IL16: variants seen among roughly 807,000 people sequenced by gnomAD.
The protein encoded by IL16 is interleukin 16.
Under a neutral mutation model 110.1 loss-of-function variants are expected in IL16, and 67 were observed. The ratio of observed to expected loss-of-function variants is 0.61; its 90% CI spans 0.50 to 0.75. IL16 has a LOEUF of 0.75. Ranked by LOEUF, IL16 falls within the 30% of genes least tolerant of loss-of-function variation. The pLI is 0.00. For synonymous variants in IL16, 689 were observed against 662.9 expected, an observed-to-expected ratio of 1.04 and a Z score of -0.61; for missense variants, 1,545 against 1,655.0, an observed-to-expected ratio of 0.93 and a Z score of 1.15.
At chr15:81,298,793 A>G (rs1013449532) in intron 13 of IL16, among the ~76,000 whole-genome samples, 2 of 152,250 alleles carry the variant, frequency 1.3e-5, no homozygotes, top group African/African-American at 4.8e-5. Flanking sequence ...AGGTACATAC[A>G]TGGGAAATGC....
At chr15:81,289,737 C>T (rs1446301902) in intron 10 of IL16, among the ~76,000 whole-genome samples, 5 of 152,152 alleles carry the variant, frequency 3.3e-5, no homozygotes, top group Admixed American at 3.3e-4. Flanking sequence ...TATGAGTTGC[C>T]TTTTCAATCT....
rs1194799132 is a variant in IL16 at position 81,266,919 on chromosome 15, C to G, written c.564+1118C>G. ...AATAGATGCTCAGTGAATTTCATCTCTCTCTTCCCTTCCTTTCCTTGAGTC... is the reference window on the plus strand; with the variant it reads ...AATAGATGCTCAGTGAATTTCATCTGTCTCTTCCCTTCCTTTCCTTGAGTC... On this transcript the variant is annotated intron_variant, in intron 4 of 18. Transcript: ENST00000683961. 3.3e-5 allele frequency among the ~76,000 whole-genome samples: 5 copies of G among 152,236 alleles called. No homozygotes were observed. The East Asian group carries it at 9.6e-4, about 29-fold the overall frequency.
At chr15:81,302,336 T>C (rs1900329416) in intron 15 of IL16, 2 of 152,316 alleles carry the variant, frequency 1.3e-5, no homozygotes, top group Admixed American at 6.5e-5. Context: ...TCCCCCAGGA[T>C]CTTACTCAGT....
At chr15:81,255,183 C>T (rs1897902774) in intron 2 of IL16, among the ~76,000 whole-genome samples, 1 of 152,208 alleles carries the variant, frequency 6.6e-6, no homozygotes, top group Non-Finnish European at 1.5e-5. Flanking sequence ...AAAATGTGTG[C>T]ACTGCCTCTG....
intron 9 of IL16, among the ~76,000 whole-genome samples, chr15:81,284,157 T>C (rs895177523): frequency 7.2e-5 from 11 of 152,226 alleles, no homozygotes; most frequent in African/African-American, 2.4e-4. Flanking sequence ...CAATAACTGA[T>C]CTGGATTTGA....
At chr15:81,293,892 G>GAGA (rs541067118) in intron 12 of IL16, among the ~76,000 whole-genome samples, 77 of 152,326 alleles carry the variant, frequency 5.1e-4, no homozygotes, top group African/African-American at 1.8e-3. Context: ...ACCTGATGGT[G>GAGA]AGAGTCCCAG....
chr15:81,301,536 G>A (rs1900286830), intron 15 of IL16, 24 bp downstream of exon 15: 2 of 1,603,342 alleles, frequency 1.2e-6, no homozygotes, highest in African/African-American at 1.3e-5. Flanking sequence ...GTAAGCATCT[G>A]CAGTAACCAA....
chr15:81,250,330 T>C (rs58607573), intron 2 of IL16, among the ~76,000 whole-genome samples: 35,491 of 151,936 alleles, frequency 0.23, 4,786 homozygotes, highest in African/African-American at 0.36. Context: ...CCACCACTCC[T>C]GGCTAATTTT....
At position 81,299,954 on chromosome 15, in the gene IL16, G is replaced by A. The variant is rs760332907; in HGVS notation, c.2628G>A (p.Gly876=). 6.2e-7 allele frequency: 1 copy of A among 1,610,162 alleles called. No homozygotes were observed. The highest frequency in any genetic ancestry group is 2.2e-5 in the East Asian group (1 of 44,816). ...CTGGGGAGGCAGCAAAACCTCTTGG[G>A]AAGCATGAGGAAGGACGGTTTTCTG... ...PSSGEAAKPL[G]KHEEGRFSGL... is the part of the protein sequence containing the mutation. The change falls in exon 14 of 19, where the codon GGG becomes GGA. Residue 876 remains glycine, a synonymous_variant. Transcript: ENST00000683961.
At chr15:81,190,098 G>A (rs903340369) in intron 1 of IL16, among the ~76,000 whole-genome samples, 8 of 152,174 alleles carry the variant, frequency 5.3e-5, no homozygotes, top group South Asian at 2.1e-4. Context: ...CAGAAAAGAC[G>A]AGGGACTCAA....
Position 81,313,368 on chromosome 15 carries a change from T to G in IL16, c.*4570T>G. ...TGGGAGGTAACCGCTGAGGTCGGTA[T>G]GGAAGAATGTGACCAGGTTGGTCTT... On this transcript the variant is annotated 3_prime_UTR_variant, in exon 19 of 19. Transcript: ENST00000683961. 3 of 1,575,872 alleles carry G rather than the reference T, an allele frequency of 1.9e-6. No homozygotes were observed. The highest frequency in any genetic ancestry group is 2.6e-6 in the Non-Finnish European group (3 of 1,160,564).
chr15:81,293,650 T>C (rs1899850424), intron 12 of IL16, among the ~76,000 whole-genome samples: 1 of 152,140 alleles, frequency 6.6e-6, no homozygotes, highest in Admixed American at 6.5e-5. Flanking sequence ...TTCCAAGGGC[T>C]ATTGTGAGGA....
intron 1 of IL16, among the ~76,000 whole-genome samples, chr15:81,223,936 G>A (rs1816107311): frequency 6.6e-6 from 1 of 152,194 alleles, no homozygotes; most frequent in Non-Finnish European, 1.5e-5. Context: ...ACAAAACTTA[G>A]GCATGTTGAC....
chr15:81,203,940 C>T (rs1269506408), intron 1 of IL16, among the ~76,000 whole-genome samples: 1 of 152,084 alleles, frequency 6.6e-6, no homozygotes, highest in East Asian at 1.9e-4. Flanking sequence ...GATATTGATT[C>T]TTCCTACCCA....
In IL16 at chr15:81,303,171, T is replaced by G; in HGVS notation, c.3319-378T>G. 6.1e-6 allele frequency: 1 copy of G among 164,984 alleles called. No homozygotes were observed. The highest frequency in any genetic ancestry group is 1.2e-5 in the Non-Finnish European group (1 of 81,852). 10.2% of individuals were successfully genotyped at this position (164,984 alleles called of 1,614,324 possible). A position where few individuals can be genotyped will look rare whatever the true frequency, so the allele number is the denominator to read the frequency against. ...TCCTGCAGAACAGCACTGACCCCTG[T>G]TTTGTTTTTTGTTGTTTTTTTTTTT... On this transcript the variant is annotated intron_variant, in intron 15 of 18. Transcript: ENST00000683961. This position sits in a 1 kb window ranked among gnomAD's most constrained non-coding sequence, Gnocchi z 4.1.
chr15:81,246,041 C>A (rs554554114), intron 2 of IL16, among the ~76,000 whole-genome samples: 64 of 152,020 alleles, frequency 4.2e-4, no homozygotes, highest in Non-Finnish European at 7.9e-4. Context: ...AGGCTCTTTG[C>A]AAATCTTTTA....
chr15:81,305,703 A>G (rs749468801), intron 16 of IL16: 8 of 606,246 alleles, frequency 1.3e-5, no homozygotes, highest in Non-Finnish European at 2.3e-5. Flanking sequence ...TTACCTGGTC[A>G]TTACTGCTGG....
At chr15:81,277,731 TAAAAG>T (rs1205870409) in intron 6 of IL16, among the ~76,000 whole-genome samples, 1 of 152,026 alleles carries the variant, frequency 6.6e-6, no homozygotes, top group Non-Finnish European at 1.5e-5. Context: ...AAAGAAACCT[TAAAAG>T]AAACCAGAGA....
intron 13 of IL16, among the ~76,000 whole-genome samples, chr15:81,297,710 C>T (rs1900057599): frequency 1.3e-5 from 2 of 152,116 alleles, no homozygotes; most frequent in South Asian, 4.1e-4. Flanking sequence ...TGGAAGAGCA[C>T]GTAGACCCCA....
Sources: gnomAD v4.1 joint callset for allele counts (sites outside exome capture counted in the v4.1 genomes callset) on GRCh38, gnomAD v4.1.1 for gene constraint, Gnocchi (gnomAD v3.1) non-coding constraint, MANE v1.5 for transcripts, NCBI Gene and HGNC (gene_info 2026-07-23, HGNC 2026-07-21) for gene names.